The following C17orf78 variants were observed in gnomAD, a reference collection of about 807,000 sequenced individuals.
C17orf78 encodes the protein chromosome 17 open reading frame 78.
A neutral mutation model predicts 31.8 loss-of-function variants in C17orf78; 27 were observed. The ratio of observed to expected loss-of-function variants is 0.85; its 90% confidence interval spans 0.63 to 1.17. C17orf78 has a LOEUF of 1.17. Ranked by LOEUF, C17orf78 falls within the 50% of genes most tolerant of loss-of-function variation. The probability of loss-of-function intolerance (pLI) is 0.00; values close to 1 mark genes in which losing one functional copy is unlikely to be tolerated. For missense variants in C17orf78, 258 were observed against 315.2 expected, an observed-to-expected ratio of 0.82 and a Z score of 1.37; for synonymous variants, 106 against 115.1, an observed-to-expected ratio of 0.92 and a Z score of 0.51.
chr17:37,385,736 T>A (rs1484948651), intron 3 of C17orf78, among the ~76,000 whole-genome samples: 1 of 152,214 alleles, frequency 6.6e-6, no homozygotes, highest in African/African-American at 2.4e-5. Flanking sequence ...GCCTAAATAA[T>A]GATAGGCAAT....
In C17orf78 at chr17:37,376,029, A is replaced by G. The variant is rs1299248476; in HGVS notation, c.-64A>G. The G allele has an allele frequency of 2.1e-6, 3 of 1,397,686 alleles. No homozygotes were observed. Among genetic ancestry groups the G allele is most frequent in the Non-Finnish European group, 3.0e-6 (3 of 985,316 alleles). 86.6% of individuals were successfully genotyped at this position (1,397,686 alleles called of 1,614,324 possible). A position where few individuals can be genotyped will look rare whatever the true frequency, so the allele number is the denominator to read the frequency against. ...GTGTGGTGAAAGCAACTAGAGGCAG[A>G]GCTATCAAGGGCTGTGACAGATGAG... On this transcript the variant is annotated 5_prime_UTR_variant, in exon 1 of 7. Coordinates refer to ENST00000615133, the MANE Select transcript of C17orf78 (RefSeq NM_173625.5).
intron 2 of C17orf78, among the ~76,000 whole-genome samples, chr17:37,378,905 T>TA (rs2050122841): frequency 1.3e-5 from 2 of 151,872 alleles, no homozygotes; most frequent in East Asian, 3.9e-4. Flanking sequence ...TTTAAAAAAT[T>TA]AAAAAATTAG....
Position 37,377,944 on chromosome 17 carries a change from A to G in C17orf78, c.124A>G (p.Ile42Val), listed in dbSNP as rs754344743. 3 of 1,613,824 alleles carry G rather than the reference A, an allele frequency of 1.9e-6. No individual in the cohort carries two copies. Among genetic ancestry groups the G allele is most frequent in the Non-Finnish European group, 2.5e-6 (3 of 1,179,806 alleles). Residue 42 changes from isoleucine (I) to valine (V), a missense_variant, in exon 2 of 7, where the codon ATC becomes GTC. Ile to Val is a conservative substitution (Grantham distance 29). Transcript: ENST00000615133. ...GATCTTCCCAAAAGACGTGAGAAGC[A>G]TCAGAGAATTGCAAATGCAAGGTAG... ...PGIFPKDVRS[I>V]RELQMQETHT...
rs985376774 is a variant in C17orf78 at position 37,392,434 on chromosome 17, T to C, written c.*710T>C. 1 of 152,168 alleles carries C rather than the reference T, an allele frequency of 6.6e-6. No individual in the cohort carries two copies. The highest frequency in any genetic ancestry group is 2.4e-5 in the African/African-American group (1 of 41,442). 9.4% of individuals were successfully genotyped at this position (152,168 alleles called of 1,614,324 possible). A position where few individuals can be genotyped will look rare whatever the true frequency, so the allele number is the denominator to read the frequency against. ...GAGCAAAATAATTATGATAATGCTG[T>C]TTCTCACAGGAGAATAGCTATGAGT... is the stretch of plus-strand genomic sequence containing the variant. On this transcript the variant is annotated 3_prime_UTR_variant, in exon 7 of 7. Coordinates refer to ENST00000615133, the MANE Select transcript of C17orf78 (RefSeq NM_173625.5).
At position 37,390,307 on chromosome 17, in the gene C17orf78, TATA is replaced by T. The variant is rs2050793383; in HGVS notation, c.750+946_750+948del. Among the ~76,000 whole-genome samples the T allele has an allele frequency of 9.3e-5, 4 of 42,972 alleles. 1 individual carries two copies. Among genetic ancestry groups the T allele is most frequent in the African/African-American group, 1.7e-4 (1 of 5,830 alleles). The allele number at this position is 42,972 out of a possible 152,430, so 28.2% of individuals were successfully genotyped here. On this transcript the variant is annotated intron_variant, in intron 6 of 6. Coordinates refer to ENST00000615133, the MANE Select transcript of C17orf78 (RefSeq NM_173625.5). ...TATAATTATATATTATACATAATTATATATATATATATATATATATATATATAA... is the reference window on the plus strand; with the variant it reads ...TATAATTATATATTATACATAATTATTATATATATATATATATATATATAA...
chr17:37,384,801 C>A (rs2147768125), intron 3 of C17orf78, among the ~76,000 whole-genome samples: 1 of 152,326 alleles, frequency 6.6e-6, no homozygotes, highest in East Asian at 1.9e-4. Context: ...CCTATGATTT[C>A]ATGTACAGTG....
At chr17:37,376,249 A>G (rs2049997625) in intron 1 of C17orf78, 99 bp downstream of exon 1, 2 of 986,490 alleles carry the variant, frequency 2.0e-6, no homozygotes, top group African/African-American at 1.6e-5. Context: ...GCTGATATCC[A>G]GCAAGCAATA....
At chr17:37,377,702 T>TG (rs2050066460) in intron 1 of C17orf78, among the ~76,000 whole-genome samples, 177 bp from the exon 2 acceptor site, 24 of 138,516 alleles carry the variant, frequency 1.7e-4, no homozygotes, top group Middle Eastern at 7.5e-3. Flanking sequence ...AATAAATAAA[T>TG]AAAAGTAAAG....
intron 6 of C17orf78, among the ~76,000 whole-genome samples, chr17:37,390,330 A>ATATATAATATATATATATATATATATC (rs1386032855): frequency 2.4e-5 from 1 of 41,580 alleles, no homozygotes; most frequent in Non-Finnish European, 3.7e-5. Context: ...ATATATATAT[A>ATATATAATATATATATATATATATATC]TATAAAAGGC....
chr17:37,377,954 T>G lies in C17orf78; in HGVS notation c.134T>G (p.Leu45Trp). 1 of 1,613,746 alleles carries G rather than the reference T, an allele frequency of 6.2e-7. No homozygotes were observed. Among genetic ancestry groups the G allele is most frequent in the South Asian group, 1.1e-5 (1 of 91,050 alleles). Residue 45 changes from leucine (L) to tryptophan (W), a missense_variant, in exon 2 of 7, where the codon TTG becomes TGG. By Grantham distance (61) the Leu-to-Trp change is moderately conservative. Transcript: ENST00000615133. ...AAAGACGTGAGAAGCATCAGAGAAT[T>G]GCAAATGCAAGGTAGGGAATGGGTC... ...FPKDVRSIRE[L>W]QMQETHTETK...
rs1453916483 is a variant in C17orf78, at chr17:37,386,025, C to G, written c.408C>G (p.Ile136Met). The G allele has an allele frequency of 1.9e-6, 3 of 1,593,166 alleles. No homozygotes were observed. The highest frequency in any genetic ancestry group is 1.7e-5 in the Admixed American group (1 of 58,428). The change falls in exon 4 of 7, where the codon ATC becomes ATG. Residue 136 changes from isoleucine (I) to methionine (M), a missense_variant. Transcript: ENST00000615133. ...LLKGKAFLPG[I>M]SQCKVLGASS... ...GTTTTATAGCTTTTTTACCAGGGAT[C>G]TCACAATGTAAAGTCCTGGGGGCTT...
intron 6 of C17orf78, among the ~76,000 whole-genome samples, chr17:37,390,641 A>T (rs2050841533): frequency 6.6e-6 from 1 of 150,938 alleles, no homozygotes; most frequent in African/African-American, 2.4e-5. Context: ...AGAGAGAAAA[A>T]AAAAAAAGCC....
At position 37,377,895 on chromosome 17, in the gene C17orf78, T is replaced by A. The variant is rs762910144; in HGVS notation, c.75T>A (p.Ser25Arg). 3 of 1,611,884 alleles carry A rather than the reference T, an allele frequency of 1.9e-6. No individual in the cohort carries two copies. Among genetic ancestry groups the A allele is most frequent in the Non-Finnish European group, 1.7e-6 (2 of 1,178,736 alleles). The change falls in exon 2 of 7, where the codon AGT becomes AGA. Residue 25 changes from serine to arginine, a missense_variant. Ser to Arg is a moderately radical substitution (Grantham distance 110). Transcript: ENST00000615133. The stretch of plus-strand genomic sequence containing the variant: ...CACCCCCAGACCTCAGAGATAGCAG[T>A]TGCCGACTGGAACAGCTGCCTGGGA... Reference protein sequence around the residue: ...DANKKDLRDSSCRLEQLPGIF... With the variant: ...DANKKDLRDSRCRLEQLPGIF...
Position 37,376,081 on chromosome 17 carries a change from G to A in C17orf78, c.-12G>A, listed in dbSNP as rs368122704. On this transcript the variant is annotated 5_prime_UTR_variant, in exon 1 of 7. Transcript: ENST00000615133. The stretch of plus-strand genomic sequence containing the variant: ...AGTGGTCTGTCTGCAATGAGCATGT[G>A]CTCAAGCTAACATGGATACCATCTT... 5.1e-5 allele frequency: 82 copies of A among 1,609,648 alleles called. No homozygotes were observed. Among genetic ancestry groups the A allele is most frequent in the Middle Eastern group, 3.3e-4 (2 of 6,078 alleles).
At position 37,382,765 on chromosome 17, in the gene C17orf78, C is replaced by G. The variant is rs547963128; in HGVS notation, c.392-3244C>G. Among the ~76,000 whole-genome samples the G allele has an allele frequency of 6.8e-4, 103 of 152,300 alleles. No individual in the cohort carries two copies. The South Asian group carries it at 0.02, about 30-fold the overall frequency. On this transcript the variant is annotated intron_variant, in intron 3 of 6. Transcript: ENST00000615133. Reference sequence around the variant, plus strand: ...GTCCTAGCTACTCAGGAGGCTGAGACAGAAGAATAGCTTGAACCCAGGATG... The same window carrying G: ...GTCCTAGCTACTCAGGAGGCTGAGAGAGAAGAATAGCTTGAACCCAGGATG...
chr17:37,387,138 G>C (rs2050574606), intron 4 of C17orf78: 1 of 151,832 alleles, frequency 6.6e-6, no homozygotes, highest in Non-Finnish European at 1.5e-5. Context: ...TATTTGTTTT[G>C]ATATGGAGTC....
At chr17:37,390,288 T>TATATATAATTATATATA in intron 6 of C17orf78, among the ~76,000 whole-genome samples, 1 of 44,914 alleles carries the variant, frequency 2.2e-5, no homozygotes, top group South Asian at 5.9e-4. Context: ...TATATATAAT[T>TATATATAATTATATATA]ATATATTATA....
intron 3 of C17orf78, among the ~76,000 whole-genome samples, chr17:37,382,112 A>G (rs2050319435): frequency 6.6e-6 from 1 of 151,998 alleles, no homozygotes; most frequent in Admixed American, 6.6e-5. Context: ...CTTCTTGTAT[A>G]CCTGCAATTT....
intron 6 of C17orf78, among the ~76,000 whole-genome samples, chr17:37,390,705 A>G (rs1258714944): frequency 6.6e-6 from 1 of 151,012 alleles, no homozygotes; most frequent in Non-Finnish European, 1.5e-5. Flanking sequence ...AGGTGGGAGG[A>G]TCACTTGGGC....
Sources: allele counts gnomAD v4.1 joint callset (sites outside exome capture counted in the v4.1 genomes callset), GRCh38; gene constraint gnomAD v4.1.1; transcripts MANE v1.5; gene names NCBI Gene and HGNC (gene_info 2026-07-23, HGNC 2026-07-21).